The following DNM3 variants were observed in gnomAD, a reference collection of about 807,000 sequenced individuals.
DNM3 encodes dynamin-3.
DNM3 carries 47 observed loss-of-function variants against 101.6 expected under a neutral mutation model. The observed-to-expected ratio is 0.46, with a 90% CI of 0.37 to 0.59. The LOEUF (loss-of-function observed/expected upper bound fraction) is 0.59, where lower values mean the gene tolerates loss of function less well. DNM3 is among the 20% of genes least tolerant of loss of function. DNM3 has a pLI of 0.00. For missense variants in DNM3, 849 were observed against 1,085.7 expected, an observed-to-expected ratio of 0.78 and a Z score of 3.06; for synonymous variants, 385 against 387.9, an observed-to-expected ratio of 0.99 and a Z score of 0.09.
chr1:172,408,665 A>T lies in DNM3; in HGVS notation c.*824A>T. 1.0e-6 allele frequency: 1 copy of T among 985,032 alleles called. No individual in the cohort carries two copies. Among genetic ancestry groups the T allele is most frequent in the Non-Finnish European group, 1.2e-6 (1 of 829,586 alleles). The allele number at this position is 985,032 out of a possible 1,614,324, so 61.0% of individuals were successfully genotyped here. The stretch of plus-strand genomic sequence containing the variant: ...TCATGGTAGGTTATATTGAAGGCTG[A>T]CATGGAGAATGTTTACTTTTCTATT... On this transcript the variant is annotated 3_prime_UTR_variant, in exon 21 of 21. Transcript: ENST00000627582.
intron 14 of DNM3, among the ~76,000 whole-genome samples, chr1:172,200,287 T>A (rs1489629684): frequency 6.6e-6 from 1 of 152,146 alleles, no homozygotes; most frequent in South Asian, 2.1e-4. Context: ...GTTATCCTGA[T>A]GATGTTTTCT....
At chr1:172,256,459 C>G (rs2062402259) in intron 15 of DNM3, among the ~76,000 whole-genome samples, 1 of 151,832 alleles carries the variant, frequency 6.6e-6, no homozygotes, top group Admixed American at 6.6e-5. Flanking sequence ...AGAACATTGT[C>G]CATTCTGTTT....
At chr1:172,237,380 T>C (rs2061585383) in intron 14 of DNM3, among the ~76,000 whole-genome samples, 3 of 152,130 alleles carry the variant, frequency 2.0e-5, no homozygotes, top group Non-Finnish European at 4.4e-5. Flanking sequence ...GTTCCAGCCG[T>C]GCCTGGGCCT....
chr1:171,988,300 T>C (rs796639620), intron 3 of DNM3, among the ~76,000 whole-genome samples: 8 of 152,304 alleles, frequency 5.3e-5, no homozygotes, highest in African/African-American at 1.9e-4. Flanking sequence ...AAATTTTTAG[T>C]GGGCAAATTT....
chr1:171,868,294 C>T (rs2034952339), intron 1 of DNM3, among the ~76,000 whole-genome samples: 1 of 151,988 alleles, frequency 6.6e-6, no homozygotes, highest in Non-Finnish European at 1.5e-5. Flanking sequence ...GGGTCCTACC[C>T]TCCCTGATGA....
intron 11 of DNM3, among the ~76,000 whole-genome samples, chr1:172,074,537 A>G (rs1019023418): frequency 5.3e-5 from 8 of 151,600 alleles, no homozygotes; most frequent in Non-Finnish European, 8.8e-5. Context: ...TCATTGTTCA[A>G]CTCCCACTTA....
intron 14 of DNM3, among the ~76,000 whole-genome samples, chr1:172,176,630 G>C (rs1194304255): frequency 6.6e-6 from 1 of 151,842 alleles, no homozygotes; most frequent in African/African-American, 2.4e-5. Context: ...AGCTAAGCCA[G>C]TTACAGATTC....
At chr1:172,001,991 G>C (rs2046385859) in intron 4 of DNM3, among the ~76,000 whole-genome samples, 1 of 151,930 alleles carries the variant, frequency 6.6e-6, no homozygotes, top group African/African-American at 2.4e-5. Context: ...CAAACATCCA[G>C]GCATTGTCAA....
At chr1:172,295,995 A>G (rs73044900) in intron 15 of DNM3, among the ~76,000 whole-genome samples, 6,521 of 151,554 alleles carry the variant, frequency 0.043, 445 homozygotes, top group African/African-American at 0.14. Flanking sequence ...CTTCATTTCT[A>G]TAAACATACT....
intron 2 of DNM3, among the ~76,000 whole-genome samples, chr1:171,986,748 C>G (rs567096249): frequency 2.0e-5 from 3 of 151,856 alleles, no homozygotes; most frequent in African/African-American, 7.2e-5. Context: ...CATTTGGGTC[C>G]AAGATGCTTA....
chr1:172,081,053 T>G (rs563671464), intron 11 of DNM3, among the ~76,000 whole-genome samples: 3 of 151,948 alleles, frequency 2.0e-5, no homozygotes, highest in African/African-American at 7.3e-5. Flanking sequence ...AGCTGCATAC[T>G]GGAGCTGTTC....
chr1:172,338,993 G>A (rs1441120479), intron 17 of DNM3: 2 of 453,102 alleles, frequency 4.4e-6, no homozygotes, highest in African/African-American at 2.0e-5. Flanking sequence ...TTGTTCAAAG[G>A]TGTATTCACA....
At chr1:172,044,564 G>C in intron 9 of DNM3, 112 bp downstream of exon 9, 1 of 836,378 alleles carries the variant, frequency 1.2e-6, no homozygotes, top group South Asian at 2.0e-5. Context: ...AGAATACAGA[G>C]GTGGGAGTAA....
chr1:172,173,566 C>G (rs1349909046), intron 14 of DNM3, among the ~76,000 whole-genome samples: 1 of 150,552 alleles, frequency 6.6e-6, no homozygotes, highest in Non-Finnish European at 1.5e-5. Flanking sequence ...TGACATCAAG[C>G]AATCCTCCCA....
At chr1:172,144,042 A>C (rs2057739777) in intron 14 of DNM3, among the ~76,000 whole-genome samples, 1 of 152,152 alleles carries the variant, frequency 6.6e-6, no homozygotes, top group Non-Finnish European at 1.5e-5. Flanking sequence ...CATCCATATA[A>C]GTTTTTAAAT....
intron 15 of DNM3, among the ~76,000 whole-genome samples, chr1:172,292,039 G>A (rs2063939064): frequency 6.6e-6 from 1 of 152,110 alleles, no homozygotes; most frequent in Non-Finnish European, 1.5e-5. Flanking sequence ...AAGACTATAT[G>A]CATTCAGTAT....
chr1:172,277,141 A>C (rs1377869636), intron 15 of DNM3, among the ~76,000 whole-genome samples: 1 of 152,068 alleles, frequency 6.6e-6, no homozygotes, highest in African/African-American at 2.4e-5. Context: ...TCATGACTCT[A>C]GTAGTGTATT....
At position 172,072,607 on chromosome 1, in the gene DNM3, G is replaced by A. The variant is rs112891117; in HGVS notation, c.1422+3702G>A. Among the ~76,000 whole-genome samples, 1,502 of 152,262 alleles carry A rather than the reference G, an allele frequency of 9.9e-3. 29 individuals are homozygous for A. The highest frequency in any genetic ancestry group is 0.034 in the African/African-American group (1,423 of 41,538). ...CTCCCTGGAAAGTTAACTGTTCTTG[G>A]CCAGGCACGGTGGCTCACGCCTGTA... On this transcript the variant is annotated intron_variant, in intron 11 of 20. Coordinates refer to ENST00000627582, the MANE Select transcript of DNM3 (RefSeq NM_015569.5).
chr1:172,364,599 C>G (rs2901635), intron 17 of DNM3, among the ~76,000 whole-genome samples: 1 of 151,756 alleles, frequency 6.6e-6, no homozygotes, highest in African/African-American at 2.4e-5. Context: ...ATTAAAATAG[C>G]CATAACAGAA....
Sources: gnomAD v4.1 joint callset for allele counts (sites outside exome capture counted in the v4.1 genomes callset) on GRCh38, gnomAD v4.1.1 for gene constraint, MANE v1.5 for transcripts, NCBI Gene and HGNC (gene_info 2026-07-23, HGNC 2026-07-21) for gene names.